GRIN2B: variants seen among roughly 807,000 people sequenced by gnomAD.
The protein encoded by GRIN2B is glutamate ionotropic receptor NMDA type subunit 2B, also known as glutamate receptor ionotropic, NMDA 2B.
GRIN2B carries 5 observed loss-of-function variants against 114.5 expected under a neutral mutation model. That is an observed-to-expected ratio of 0.04 (90% CI 0.02 to 0.09). The LOEUF (loss-of-function observed/expected upper bound fraction) is 0.09. Among genes scored for constraint, GRIN2B ranks in the 10% least tolerant of loss-of-function variants. The pLI is 1.00. For synonymous variants in GRIN2B, 787 were observed against 745.1 expected, an observed-to-expected ratio of 1.06 and a Z score of -0.92; for missense variants, 1,108 against 1,943.5, an observed-to-expected ratio of 0.57 and a Z score of 8.08.
rs773557540 is a variant in GRIN2B, at chr12:13,563,870, A to C, written c.3368T>G (p.Phe1123Cys). 5 of 1,614,068 alleles carry C rather than the reference A, an allele frequency of 3.1e-6. No homozygotes were observed. The highest frequency in any genetic ancestry group is 4.2e-6 in the Non-Finnish European group (5 of 1,180,028). The change falls in exon 14 of 14, where the codon TTC becomes TGC. Residue 1123 changes from phenylalanine to cysteine, a missense_variant. Phe to Cys is a radical substitution (Grantham distance 205, BLOSUM62 -2). Coordinates refer to ENST00000609686, the MANE Select transcript of GRIN2B (RefSeq NM_000834.5). ...GTCCCGTAGCCCTTCCTTGTCCCTGAAGTAGCGCTTGTGGTCAGGGGAGCG... is the reference window on the plus strand; with the variant it reads ...GTCCCGTAGCCCTTCCTTGTCCCTGCAGTAGCGCTTGTGGTCAGGGGAGCG... Reference protein sequence around the residue: ...PPRSPDHKRYFRDKEGLRDFY... With the variant: ...PPRSPDHKRYCRDKEGLRDFY...
In GRIN2B at chr12:13,844,558, A is replaced by T. The variant is rs546761272; in HGVS notation, c.411+21240T>A. Among the ~76,000 whole-genome samples, 10 of 152,276 alleles carry T rather than the reference A, an allele frequency of 6.6e-5. No individual in the cohort carries two copies. The East Asian group carries it at 1.9e-3, about 29-fold the overall frequency. The stretch of plus-strand genomic sequence containing the variant: ...TGTGCTGACATGGCACCACTCATCA[A>T]TCATAGCCATTCAGCACTCTTCAGT... On this transcript the variant is annotated intron_variant, in intron 3 of 13. Coordinates refer to ENST00000609686, the MANE Select transcript of GRIN2B (RefSeq NM_000834.5).
chr12:13,938,273 G>C (rs1867164225), intron 2 of GRIN2B, among the ~76,000 whole-genome samples: 1 of 151,854 alleles, frequency 6.6e-6, no homozygotes, highest in Non-Finnish European at 1.5e-5. Flanking sequence ...TTAAAGGGCA[G>C]AGATTGTCAT....
At chr12:13,580,784 A>T (rs998281254) in intron 10 of GRIN2B, among the ~76,000 whole-genome samples, 1 of 152,210 alleles carries the variant, frequency 6.6e-6, no homozygotes, top group Non-Finnish European at 1.5e-5. Flanking sequence ...ATCAAGACAC[A>T]AAACAATTCC....
At chr12:13,749,943 A>T (rs1049294286) in intron 4 of GRIN2B, among the ~76,000 whole-genome samples, 7 of 152,182 alleles carry the variant, frequency 4.6e-5, no homozygotes, top group Admixed American at 1.3e-4. Context: ...GACAATGGAG[A>T]TAAGGGAAGA....
At chr12:13,796,114 G>A (rs907250143) in intron 3 of GRIN2B, among the ~76,000 whole-genome samples, 1 of 150,288 alleles carries the variant, frequency 6.7e-6, no homozygotes, top group African/African-American at 2.5e-5. Context: ...GCTTTCCAGT[G>A]TATGGTATGC....
At chr12:13,716,849 C>T (rs1189218660) in intron 4 of GRIN2B, among the ~76,000 whole-genome samples, 2 of 151,750 alleles carry the variant, frequency 1.3e-5, no homozygotes, top group African/African-American at 4.8e-5. Flanking sequence ...TGAGAAAGTC[C>T]TTCTCATTCA....
intron 13 of GRIN2B, among the ~76,000 whole-genome samples, chr12:13,565,917 A>C (rs1373828303): frequency 6.6e-6 from 1 of 152,156 alleles, no homozygotes; most frequent in Non-Finnish European, 1.5e-5. Flanking sequence ...AGAAAATTCC[A>C]AGCCTTTTTT....
intron 3 of GRIN2B, among the ~76,000 whole-genome samples, chr12:13,812,460 T>A (rs900356986): frequency 8.1e-5 from 11 of 135,698 alleles, no homozygotes; most frequent in Non-Finnish European, 1.8e-4. Context: ...TGATATGTAT[T>A]TATCTTTTTT....
At chr12:13,805,481 G>A (rs1464589062) in intron 3 of GRIN2B, among the ~76,000 whole-genome samples, 1 of 152,134 alleles carries the variant, frequency 6.6e-6, no homozygotes, top group East Asian at 1.9e-4. Context: ...AAGAAAAAAA[G>A]AAGATTCTTA....
chr12:13,789,476 A>C (rs1424444237), intron 3 of GRIN2B, among the ~76,000 whole-genome samples: 53 of 152,150 alleles, frequency 3.5e-4, no homozygotes, highest in Non-Finnish European at 1.2e-4. Flanking sequence ...ATCACAAGAG[A>C]CCCTAAAAGG....
At chr12:13,591,601 T>A (rs1190944363) in intron 10 of GRIN2B, among the ~76,000 whole-genome samples, 1 of 152,140 alleles carries the variant, frequency 6.6e-6, no homozygotes. Context: ...AAGTGGGAGA[T>A]GGCAAATGAG....
chr12:13,783,227 C>T (rs1864152757), intron 3 of GRIN2B, among the ~76,000 whole-genome samples: 1 of 152,062 alleles, frequency 6.6e-6, no homozygotes, highest in Non-Finnish European at 1.5e-5. Context: ...CCCCAATCAC[C>T]AAGGGGCAGG....
At chr12:13,833,120 C>T (rs1301333435) in intron 3 of GRIN2B, among the ~76,000 whole-genome samples, 1 of 152,184 alleles carries the variant, frequency 6.6e-6, no homozygotes, top group African/African-American at 2.4e-5. Flanking sequence ...CAGTGTCTAG[C>T]ACAGTGCATG....
At chr12:13,962,743 A>G (rs1481823799) in intron 2 of GRIN2B, among the ~76,000 whole-genome samples, 1 of 152,146 alleles carries the variant, frequency 6.6e-6, no homozygotes, top group Non-Finnish European at 1.5e-5. Flanking sequence ...GACCTCCACA[A>G]AGAAGTCACA....
intron 4 of GRIN2B, among the ~76,000 whole-genome samples, chr12:13,745,844 GGGCC>G (rs1319192162): frequency 2.0e-5 from 3 of 152,200 alleles, no homozygotes; most frequent in Admixed American, 2.0e-4. Context: ...GGGGATCCCT[GGGCC>G]TCGGGTTCCT....
At chr12:13,763,652 C>T (rs1236293450) in intron 3 of GRIN2B, among the ~76,000 whole-genome samples, 1 of 152,136 alleles carries the variant, frequency 6.6e-6, no homozygotes, top group Non-Finnish European at 1.5e-5. Flanking sequence ...CCTGCACACC[C>T]ACACTAGCCT....
At chr12:13,969,379 G>A (rs1308957817) in intron 2 of GRIN2B, among the ~76,000 whole-genome samples, 1 of 152,206 alleles carries the variant, frequency 6.6e-6, no homozygotes, top group African/African-American at 2.4e-5. Context: ...ATCAGAAGAT[G>A]TAAGTTGGAA....
intron 2 of GRIN2B, among the ~76,000 whole-genome samples, chr12:13,900,384 A>T: frequency 6.6e-6 from 1 of 152,032 alleles, no homozygotes; most frequent in African/African-American, 2.4e-5. Context: ...CCAAGGCAGG[A>T]GAATCACTTG....
At chr12:13,914,639 GA>G (rs1309861852) in intron 2 of GRIN2B, among the ~76,000 whole-genome samples, 1 of 152,174 alleles carries the variant, frequency 6.6e-6, no homozygotes, top group African/African-American at 2.4e-5. Flanking sequence ...ATTGTAGCAT[GA>G]TTCACAATAG....
Sources: allele counts gnomAD v4.1 joint callset (sites outside exome capture counted in the v4.1 genomes callset), GRCh38; gene constraint gnomAD v4.1.1; transcripts MANE v1.5; gene names NCBI Gene and HGNC (gene_info 2026-07-23, HGNC 2026-07-21).